RERE: variants seen among roughly 807,000 people sequenced by gnomAD.
RERE encodes arginine-glutamic acid dipeptide repeats protein.
RERE carries 40 observed loss-of-function variants against 146.1 expected under a neutral mutation model. That is an observed-to-expected ratio of 0.27 (90% CI 0.21 to 0.36). RERE has a LOEUF of 0.36. Ranked by LOEUF, RERE falls within the 10% of genes least tolerant of loss-of-function variation. The probability of loss-of-function intolerance (pLI) is 1.00; values close to 1 mark genes in which losing one functional copy is unlikely to be tolerated. For missense variants in RERE, 1,933 were observed against 2,138.7 expected (o/e 0.90, Z 1.90); for synonymous variants, 1,003 against 866.0 (o/e 1.16, Z -2.78).
rs77620146 is a variant in RERE at position 8,693,100 on chromosome 1, T to C, written c.-144-36659A>G. 1.2e-3 allele frequency among the ~76,000 whole-genome samples: 182 copies of C among 152,278 alleles called. 1 individual carries two copies. In the East Asian group the frequency reaches 0.033, roughly 28 times the overall value. The stretch of plus-strand genomic sequence containing the variant: ...CCACTACACTGACAACACCAAATGG[T>C]AGCAAGTATGTGGAGCAACAGAAAC... On this transcript the variant is annotated intron_variant, in intron 1 of 22. Transcript: ENST00000400908.
At chr1:8,384,341 C>T (rs1052309564) in intron 12 of RERE, among the ~76,000 whole-genome samples, 1 of 152,182 alleles carries the variant, frequency 6.6e-6, no homozygotes, top group Non-Finnish European at 1.5e-5. Flanking sequence ...AATCTGTCCC[C>T]TCTGTAGGGG....
At chr1:8,606,352 T>C (rs55802878) in intron 4 of RERE, among the ~76,000 whole-genome samples, 24,692 of 152,168 alleles carry the variant, frequency 0.16, 2,409 homozygotes, top group Middle Eastern at 0.26. Context: ...TTTTCCAATT[T>C]ATGTTCCAGG....
chr1:8,505,625 G>A (rs1337217525), intron 8 of RERE, among the ~76,000 whole-genome samples: 1 of 152,130 alleles, frequency 6.6e-6, no homozygotes, highest in East Asian at 1.9e-4. Flanking sequence ...CAACCGCCTA[G>A]GCTCAAGCAA....
chr1:8,423,898 C>A lies in RERE; in HGVS notation c.1204-1091G>T. 6.5e-6 allele frequency: 1 copy of A among 154,038 alleles called. No individual in the cohort carries two copies. The highest frequency in any genetic ancestry group is 1.9e-4 in the South Asian group (1 of 5,248). The allele number at this position is 154,038 out of a possible 1,614,324, so 9.5% of individuals were successfully genotyped here. ...CCCGCGCCCCGGCCCCGGCCCCGCC[C>A]CCGGCCCGACCCCCACCCCGAGGCC... On this transcript the variant is annotated intron_variant, in intron 11 of 22. Transcript: ENST00000400908. The surrounding 1 kb of genome is among the most constrained non-coding windows in gnomAD (Gnocchi z 5.4).
intron 10 of RERE, among the ~76,000 whole-genome samples, chr1:8,491,568 G>A (rs912417750): frequency 2.7e-5 from 4 of 150,786 alleles, no homozygotes; most frequent in East Asian, 2.0e-4. Flanking sequence ...GCAGTGAGCC[G>A]TGATCCACCA....
intron 1 of RERE, among the ~76,000 whole-genome samples, chr1:8,695,604 A>G (rs1392902369): frequency 6.7e-6 from 1 of 149,398 alleles, no homozygotes; most frequent in East Asian, 1.9e-4. Flanking sequence ...AAAAAAAAAA[A>G]AAAAAAAAAA....
intron 4 of RERE, among the ~76,000 whole-genome samples, chr1:8,599,045 C>T (rs2124129839): frequency 6.6e-6 from 1 of 152,358 alleles, no homozygotes; most frequent in South Asian, 2.1e-4. Context: ...CATGACAGGA[C>T]CTCCTGCAGA....
chr1:8,742,699 C>T (rs1640332732), intron 1 of RERE, among the ~76,000 whole-genome samples: 1 of 151,814 alleles, frequency 6.6e-6, no homozygotes, highest in East Asian at 1.9e-4. Flanking sequence ...CTAAAATTAG[C>T]CAGGCATGAT....
chr1:8,773,317 T>C lies in RERE; in HGVS notation c.-145+43843A>G, dbSNP rs577887742. ...AAATATTTCATGCTTTGAAATGCTATAGCAATAATATGAAATTATATTAAA... is the reference window on the plus strand; with the variant it reads ...AAATATTTCATGCTTTGAAATGCTACAGCAATAATATGAAATTATATTAAA... On this transcript the variant is annotated intron_variant, in intron 1 of 22. Transcript: ENST00000400908. Among the ~76,000 whole-genome samples, 3 of 152,340 alleles carry C rather than the reference T, an allele frequency of 2.0e-5. No homozygotes were observed. The East Asian group carries it at 5.8e-4, about 29-fold the overall frequency.
intron 1 of RERE, among the ~76,000 whole-genome samples, chr1:8,792,831 A>C (rs1264420239): frequency 6.6e-6 from 1 of 152,110 alleles, no homozygotes. Context: ...GGAAGGTTTA[A>C]AGAAGCTGTG....
At chr1:8,627,012 C>T (rs1446995800) in intron 2 of RERE, among the ~76,000 whole-genome samples, 1 of 152,158 alleles carries the variant, frequency 6.6e-6, no homozygotes, top group East Asian at 1.9e-4. Flanking sequence ...TTCCCCTAGG[C>T]TGCATTCACT....
chr1:8,797,805 A>G (rs897857959), intron 1 of RERE, among the ~76,000 whole-genome samples: 1 of 152,212 alleles, frequency 6.6e-6, no homozygotes, highest in Non-Finnish European at 1.5e-5. Flanking sequence ...TGCAGTCTCT[A>G]GTAAGAGAAG....
intron 1 of RERE, among the ~76,000 whole-genome samples, chr1:8,764,076 C>T (rs1010341891): frequency 2.0e-5 from 3 of 152,160 alleles, no homozygotes; most frequent in Non-Finnish European, 4.4e-5. Context: ...TCCTAGGAGG[C>T]TATTTCTCAG....
At chr1:8,624,718 C>G (rs1192800360) in intron 2 of RERE, among the ~76,000 whole-genome samples, 1 of 152,160 alleles carries the variant, frequency 6.6e-6, no homozygotes, top group Non-Finnish European at 1.5e-5. Flanking sequence ...GATCACACAT[C>G]AAGATGAAAT....
chr1:8,639,840 C>G (rs1647153281), intron 2 of RERE, among the ~76,000 whole-genome samples: 1 of 152,074 alleles, frequency 6.6e-6, no homozygotes, highest in Non-Finnish European at 1.5e-5. Flanking sequence ...TGCACAGTAG[C>G]TATGTTTTAT....
intron 1 of RERE, among the ~76,000 whole-genome samples, chr1:8,797,016 C>G (rs1011211794): frequency 3.3e-5 from 5 of 152,108 alleles, no homozygotes; most frequent in African/African-American, 1.2e-4. Flanking sequence ...CAGACAAGGG[C>G]TGTCAGAGGA....
intron 8 of RERE, among the ~76,000 whole-genome samples, chr1:8,504,577 G>A (rs1199385837): frequency 6.6e-6 from 1 of 152,228 alleles, no homozygotes; most frequent in Non-Finnish European, 1.5e-5. Flanking sequence ...GTGGTGGCCA[G>A]GCGCGGTGGC....
Position 8,380,340 on chromosome 1 carries a change from C to CTT in RERE, c.1285-14368_1285-14367dup, listed in dbSNP as rs34580017. 4.2e-3 allele frequency among the ~76,000 whole-genome samples: 595 copies of CTT among 142,278 alleles called. 3 individuals carry two copies. The highest frequency in any genetic ancestry group is 0.015 in the African/African-American group (564 of 38,244). The allele number at this position is 142,278 out of a possible 152,430, so 93.3% of individuals were successfully genotyped here. ...GACACAACTCCCAAAAGTCAACAGG[C>CTT]TTTTTTTTTTTTTTTTTAAACGAAA... On this transcript the variant is annotated intron_variant, in intron 12 of 22. Coordinates refer to ENST00000400908, the MANE Select transcript of RERE (RefSeq NM_001042681.2).
At chr1:8,743,714 A>G (rs746001458) in intron 1 of RERE, among the ~76,000 whole-genome samples, 1 of 152,066 alleles carries the variant, frequency 6.6e-6, no homozygotes, top group Non-Finnish European at 1.5e-5. Context: ...CTCTACCAAG[A>G]CTGATCTTTC....
Sources: allele counts gnomAD v4.1 joint callset (sites outside exome capture counted in the v4.1 genomes callset), GRCh38; gene constraint gnomAD v4.1.1; non-coding constraint Gnocchi (gnomAD v3.1); transcripts MANE v1.5; gene names NCBI Gene and HGNC (gene_info 2026-07-23, HGNC 2026-07-21).